The following MUC5AC variants were observed in gnomAD, a reference collection of about 807,000 sequenced individuals.
MUC5AC encodes the protein mucin-5AC.
MUC5AC carries 158 observed loss-of-function variants against 169.7 expected under a neutral mutation model. That is an observed-to-expected ratio of 0.93 (90% CI 0.82 to 1.06). MUC5AC has a LOEUF of 1.06. Ranked by LOEUF, MUC5AC falls within the 50% of genes least tolerant of loss-of-function variation. MUC5AC has a pLI of 0.00. For missense variants in MUC5AC, 4,359 were observed against 3,089.9 expected, an observed-to-expected ratio of 1.41 and a Z score of -9.74; for synonymous variants, 1,975 against 1,237.0, an observed-to-expected ratio of 1.60 and a Z score of -12.52.
chr11:1,188,752 C>T lies in MUC5AC; in HGVS notation c.10607C>T (p.Ser3536Phe). Residue 3536 changes from serine (S) to phenylalanine (F), a missense_variant, in exon 31 of 49, where the codon TCC becomes TTC. Transcript: ENST00000621226. ...AAATGGTTTGATGTGGACTTTCCAT[C>T]CCCTGGACCCCACGGTGGGGACAAG... ...WTKWFDVDFP[S>F]PGPHGGDKET... The T allele has an allele frequency of 1.3e-6, 1 of 759,840 alleles. No homozygotes were observed. The highest frequency in any genetic ancestry group is 2.4e-6 in the Non-Finnish European group (1 of 414,650). 47.1% of individuals were successfully genotyped at this position (759,840 alleles called of 1,614,324 possible). A position where few individuals can be genotyped will look rare whatever the true frequency, so the allele number is the denominator to read the frequency against.
chr11:1,174,595 C>G lies in MUC5AC; in HGVS notation c.2065C>G (p.Leu689Val). The change falls in exon 17 of 49, where the codon CTC becomes GTC. Residue 689 changes from leucine to valine, a missense_variant. By Grantham distance (32) the Leu-to-Val change is conservative. Transcript: ENST00000621226. ...CGCCTGTGCCGCCAAGGGCGTGCAG[C>G]TCGGCGGCTGGAGGGACGGCGTCTG... ...VHACAAKGVQLGGWRDGVCTK... is the reference protein window; with the variant it reads ...VHACAAKGVQVGGWRDGVCTK... The G allele has an allele frequency of 7.1e-7, 1 of 1,416,266 alleles. No homozygotes were observed. The highest frequency in any genetic ancestry group is 9.7e-7 in the Non-Finnish European group (1 of 1,035,626). 87.7% of individuals were successfully genotyped at this position (1,416,266 alleles called of 1,614,324 possible).
intron 16 of MUC5AC, among the ~76,000 whole-genome samples, chr11:1,173,150 T>G (rs890652494): frequency 5.9e-5 from 9 of 152,264 alleles, no homozygotes; most frequent in Non-Finnish European, 1.2e-4. Context: ...ATTTACCCAC[T>G]CACTAATTCC....
chr11:1,165,614 G>A lies in MUC5AC; in HGVS notation c.1248-8G>A. On this transcript the variant is annotated splice_region_variant and splice_polypyrimidine_tract_variant and intron_variant, in intron 10 of 48. Transcript: ENST00000621226. ...CGGCACCCACGTGGCACCATCTCTT[G>A]CTCTCAGCACCTGCTCCGGAGGCCG... 6.2e-7 allele frequency: 1 copy of A among 1,611,560 alleles called. No homozygotes were observed. Among genetic ancestry groups the A allele is most frequent in the Non-Finnish European group, 8.5e-7 (1 of 1,179,662 alleles).
chr11:1,169,803 TACTC>T (rs1225692857), intron 15 of MUC5AC, among the ~76,000 whole-genome samples: 32 of 91,814 alleles, frequency 3.5e-4, no homozygotes, highest in East Asian at 7.8e-4. Context: ...CCCACTCACC[TACTC>T]ACTCACCCAC....
chr11:1,198,835 C>T, intron 43 of MUC5AC, 39 bp from the exon 44 acceptor site: 1 of 700,204 alleles, frequency 1.4e-6, no homozygotes, highest in Non-Finnish European at 2.6e-6. Context: ...CTCCCCAGGG[C>T]CCAAGCTCAT....
Position 1,191,380 on chromosome 11 carries a change from T to G in MUC5AC, c.13235T>G (p.Val4412Gly), listed in dbSNP as rs1248869111. 64 of 738,454 alleles carry G rather than the reference T, an allele frequency of 8.7e-5. No homozygotes were observed. Among genetic ancestry groups the G allele is most frequent in the Admixed American group, 3.0e-4 (17 of 56,406 alleles). 45.7% of individuals were successfully genotyped at this position (738,454 alleles called of 1,614,324 possible). Residue 4412 changes from valine (V) to glycine (G), a missense_variant, in exon 31 of 49, where the codon GTT becomes GGT. Physicochemically the swap from Val to Gly is moderately radical, Grantham distance 109. Transcript: ENST00000621226. ...GGTCCTGGAAGTACTCCCAGCCCTG[T>G]TCCCACCACCAGCACAACCTCTGCT... Reference protein sequence around the residue: ...TSGPGSTPSPVPTTSTTSAPT... With the variant: ...TSGPGSTPSPGPTTSTTSAPT...
chr11:1,160,712 C>G (rs768330864), intron 2 of MUC5AC, 23 bp downstream of exon 2: 423 of 1,596,826 alleles, frequency 2.6e-4, no homozygotes, highest in Non-Finnish European at 3.3e-4. Context: ...GTCCGGCCCC[C>G]ACCCTAAGCC....
At chr11:1,160,490 A>T in intron 1 of MUC5AC, 122 bp from the exon 2 acceptor site, 1 of 774,136 alleles carries the variant, frequency 1.3e-6, no homozygotes, top group East Asian at 2.7e-5. Context: ...AGCCCTTGCC[A>T]CGGGCCACCC....
chr11:1,159,235 CT>C (rs144037637), intron 1 of MUC5AC, among the ~76,000 whole-genome samples: 1,557 of 151,968 alleles, frequency 0.01, 32 homozygotes, highest in African/African-American at 0.036. Context: ...CTGAGGACCC[CT>C]ATGCCAGTTG....
At chr11:1,163,526 GC>G (rs1392419230) in intron 6 of MUC5AC, among the ~76,000 whole-genome samples, 2 of 152,198 alleles carry the variant, frequency 1.3e-5, no homozygotes, top group African/African-American at 4.8e-5. Context: ...CAGGCTCAGT[GC>G]TGGGGGGGCT....
intron 24 of MUC5AC, 118 bp from the exon 25 acceptor site, chr11:1,178,326 G>A (rs1330869461): frequency 1.7e-5 from 6 of 354,806 alleles, no homozygotes. Context: ...CACCTGGGTG[G>A]GAGGAGGCGG....
intron 12 of MUC5AC, 95 bp from the exon 13 acceptor site, chr11:1,168,388 C>G: frequency 8.1e-7 from 1 of 1,239,426 alleles, no homozygotes; most frequent in South Asian, 1.3e-5. Flanking sequence ...CAGGGAAAGG[C>G]CTCCTAGGCA....
chr11:1,187,702 C>T lies in MUC5AC; in HGVS notation c.9557C>T (p.Thr3186Ile). ...ACCAGCACAACCCCTGGTCCTGGAA[C>T]CACTCCCAGCCCCGTTCCCACCACC... ...STTSTTPGPG[T>I]TPSPVPTTST... Residue 3186 changes from threonine to isoleucine, a missense_variant, in exon 31 of 49, where the codon ACC becomes ATC. Physicochemically the swap from Thr to Ile is moderately conservative, Grantham distance 89. Coordinates refer to ENST00000621226, the MANE Select transcript of MUC5AC (RefSeq NM_001304359.2). 1.3e-6 allele frequency: 1 copy of T among 765,170 alleles called. No homozygotes were observed. The highest frequency in any genetic ancestry group is 2.4e-6 in the Non-Finnish European group (1 of 417,846). 47.4% of individuals were successfully genotyped at this position (765,170 alleles called of 1,614,324 possible). A position where few individuals can be genotyped will look rare whatever the true frequency, so the allele number is the denominator to read the frequency against.
Position 1,194,369 on chromosome 11 carries a change from G to A in MUC5AC, c.15006+9G>A, listed in dbSNP as rs376357324. The A allele has an allele frequency of 1.4e-3, 1,037 of 718,028 alleles. 13 individuals are homozygous for A. Among genetic ancestry groups the A allele is most frequent in the South Asian group, 0.014 (985 of 69,440 alleles). 44.5% of individuals were successfully genotyped at this position (718,028 alleles called of 1,614,324 possible). Reference sequence around the variant, plus strand: ...GGGTGATGACAAACGAGGTGGGGGCGCGCCCGGTGTGCCGCGGAGGGGGTG... The same window carrying A: ...GGGTGATGACAAACGAGGTGGGGGCACGCCCGGTGTGCCGCGGAGGGGGTG... On this transcript the variant is annotated intron_variant, in intron 34 of 48. Coordinates refer to ENST00000621226, the MANE Select transcript of MUC5AC (RefSeq NM_001304359.2).
At position 1,164,174 on chromosome 11, in the gene MUC5AC, C is replaced by A; in HGVS notation, c.858C>A (p.Ser286Arg). The change falls in exon 8 of 49, where the codon AGC (serine) becomes AGA (arginine). Residue 286 changes from serine (S) to arginine (R), a missense_variant. Coordinates refer to ENST00000621226, the MANE Select transcript of MUC5AC (RefSeq NM_001304359.2). Reference sequence around the variant, plus strand: ...GCGTGGCCCTGGTGGACGTCGGCAGCTACCTGGAGGCTTGCAGGCAAGACC... The same window carrying A: ...GCGTGGCCCTGGTGGACGTCGGCAGATACCTGGAGGCTTGCAGGCAAGACC... The part of the protein sequence containing the change: ...SGCVALVDVG[S>R]YLEACRQDLC... 1 of 1,612,530 alleles carries A rather than the reference C, an allele frequency of 6.2e-7. No individual in the cohort carries two copies. Among genetic ancestry groups the A allele is most frequent in the Non-Finnish European group, 8.5e-7 (1 of 1,179,874 alleles).
In MUC5AC at chr11:1,187,521, C is replaced by G; in HGVS notation, c.9376C>G (p.Pro3126Ala). The change falls in exon 31 of 49, where the codon CCT becomes GCT. Residue 3126 changes from proline to alanine, a missense_variant. By Grantham distance (27) the Pro-to-Ala change is conservative (BLOSUM62 -1). Transcript: ENST00000621226. ...KTSGLGTTPS[P>A]IPTTSTTSPP... is the part of the protein sequence containing the mutation. ...CTCTGGTCTTGGAACTACTCCCAGCCCTATTCCTACCACCAGCACAACCTC... is the reference window on the plus strand; with the variant it reads ...CTCTGGTCTTGGAACTACTCCCAGCGCTATTCCTACCACCAGCACAACCTC... 1.3e-6 allele frequency: 1 copy of G among 745,814 alleles called. No homozygotes were observed. Among genetic ancestry groups the G allele is most frequent in the East Asian group, 2.5e-5 (1 of 40,216 alleles). The allele number at this position is 745,814 out of a possible 1,614,324, so 46.2% of individuals were successfully genotyped here. A position where few individuals can be genotyped will look rare whatever the true frequency, so the allele number is the denominator to read the frequency against.
At chr11:1,173,241 C>A (rs982033527) in intron 16 of MUC5AC, among the ~76,000 whole-genome samples, 2 of 151,178 alleles carry the variant, frequency 1.3e-5, no homozygotes, top group Admixed American at 6.6e-5. Flanking sequence ...CACTCATTTA[C>A]TCATTTACTC....
At position 1,187,438 on chromosome 11, in the gene MUC5AC, C is replaced by G; in HGVS notation, c.9293C>G (p.Thr3098Ser). The G allele has an allele frequency of 1.4e-6, 1 of 729,842 alleles. No homozygotes were observed. Among genetic ancestry groups the G allele is most frequent in the South Asian group, 1.4e-5 (1 of 69,768 alleles). 45.2% of individuals were successfully genotyped at this position (729,842 alleles called of 1,614,324 possible). Residue 3098 changes from threonine to serine, a missense_variant, in exon 31 of 49, where the codon ACC becomes AGC. Coordinates refer to ENST00000621226, the MANE Select transcript of MUC5AC (RefSeq NM_001304359.2). ...ACCAGCACAATCTCGGCCCCAACAA[C>G]CAGCACAACGTCTGCTCCTACAACC... The part of the protein sequence containing the change: ...ATTSTISAPT[T>S]STTSAPTTST...
chr11:1,189,242 T>A lies in MUC5AC; in HGVS notation c.11097T>A (p.Ala3699=), dbSNP rs1243290703. The change falls in exon 31 of 49, where the codon GCT becomes GCA. Residue 3699 remains alanine (A), a synonymous_variant. Transcript: ENST00000621226. ...TSAPTTSTTS[A]PTTSTTSAPT... ...CCCCAACAACCAGCACAACCTCTGC[T>A]CCCACAACGAGCACAACTTCTGCCC... 1.7e-6 allele frequency: 1 copy of A among 582,588 alleles called. No homozygotes were observed. Among genetic ancestry groups the A allele is most frequent in the Admixed American group, 3.0e-5 (1 of 33,772 alleles). The allele number at this position is 582,588 out of a possible 1,614,324, so 36.1% of individuals were successfully genotyped here.
Sources: gnomAD v4.1 joint callset for allele counts (sites outside exome capture counted in the v4.1 genomes callset) on GRCh38, gnomAD v4.1.1 for gene constraint, MANE v1.5 for transcripts, NCBI Gene and HGNC (gene_info 2026-07-23, HGNC 2026-07-21) for gene names.